The following AHCY variants were observed in gnomAD, a reference collection of about 807,000 sequenced individuals.
AHCY encodes the protein adenosylhomocysteinase.
AHCY carries 24 observed loss-of-function variants against 45.4 expected under a neutral mutation model. That is an observed-to-expected ratio of 0.53 (90% confidence interval 0.38 to 0.74). The LOEUF is 0.74. Ranked by LOEUF, AHCY falls within the 30% of genes least tolerant of loss-of-function variation. The pLI, the probability that AHCY is intolerant of heterozygous loss-of-function variation, is 0.00. For synonymous variants in AHCY, 245 were observed against 235.1 expected, an observed-to-expected ratio of 1.04 and a Z score of -0.39; for missense variants, 449 against 594.1, an observed-to-expected ratio of 0.76 and a Z score of 2.54.
chr20:34,306,231 A>G (rs2036895022), upstream of AHCY, among the ~76,000 whole-genome samples: 2 of 152,326 alleles, frequency 1.3e-5, no homozygotes, highest in South Asian at 4.1e-4. Flanking sequence ...GTTCATATGA[A>G]CAAAACTTTG....
upstream of AHCY, among the ~76,000 whole-genome samples, chr20:34,305,044 C>T (rs1000134319): frequency 6.8e-6 from 1 of 147,622 alleles, no homozygotes. Context: ...TGGCCGGGCG[C>T]GTGGCTCACG....
At chr20:34,269,304 T>C in the AHCY span, 2 of 1,122,866 alleles carry the variant, frequency 1.8e-6, no homozygotes, top group South Asian at 3.4e-5. Flanking sequence ...CAGGGAGACC[T>C]GGCTTGGGCT....
the AHCY span, among the ~76,000 whole-genome samples, chr20:34,244,339 G>A: frequency 6.6e-6 from 1 of 152,134 alleles, no homozygotes; most frequent in African/African-American, 2.4e-5. Context: ...TTGAGCATGG[G>A]TGTACAGTAT....
chr20:34,264,090 G>A, the AHCY span, among the ~76,000 whole-genome samples: 3 of 152,022 alleles, frequency 2.0e-5, no homozygotes, highest in African/African-American at 7.3e-5. Context: ...TAAAATATAT[G>A]TAGATACTAG....
At chr20:34,285,335 TA>T in intron 9 of AHCY, 104 bp downstream of exon 9, 1 of 1,312,832 alleles carries the variant, frequency 7.6e-7, no homozygotes, top group Non-Finnish European at 1.1e-6. Flanking sequence ...TGAGGGCCTC[TA>T]AGAGGGCAGA....
chr20:34,268,258 T>C, the AHCY span, among the ~76,000 whole-genome samples: 1 of 152,154 alleles, frequency 6.6e-6, no homozygotes, highest in African/African-American at 2.4e-5. Flanking sequence ...AGCAGCAAGC[T>C]GTGGCAGCAG....
rs547355270 is a variant in AHCY at position 34,286,911 on chromosome 20, G to A, written c.973-1277C>T. 1.7e-3 allele frequency among the ~76,000 whole-genome samples: 256 copies of A among 151,262 alleles called. 1 individual carries two copies. Among genetic ancestry groups the A allele is most frequent in the Non-Finnish European group, 2.7e-3 (184 of 67,894 alleles). On this transcript the variant is annotated intron_variant, in intron 8 of 9. Coordinates refer to ENST00000217426, the MANE Select transcript of AHCY (RefSeq NM_000687.4). ...TCCTATTCCTGTGGCCCACAGTGTG[G>A]CTCCCAGGTGACTGCCAAGGTTGAG...
chr20:34,310,550 G>A (rs1416254691), intron 1 of AHCY, among the ~76,000 whole-genome samples: 1 of 152,170 alleles, frequency 6.6e-6, no homozygotes, highest in East Asian at 1.9e-4. Flanking sequence ...CTTTGACCAA[G>A]CAGTTCCACT....
intron 2 of AHCY, 44 bp downstream of exon 2, chr20:34,295,351 C>T: frequency 6.2e-7 from 1 of 1,611,672 alleles, no homozygotes; most frequent in Non-Finnish European, 8.5e-7. Context: ...TGGCTGAACC[C>T]AGGGAGGGCA....
downstream of AHCY, among the ~76,000 whole-genome samples, chr20:34,279,494 C>T (rs1397822732): frequency 6.6e-5 from 10 of 151,904 alleles, no homozygotes; most frequent in Admixed American, 6.6e-4. Context: ...AGATCTCAGC[C>T]TGTTTTGACC....
At chr20:34,300,805 T>C (rs1256531115) in intron 1 of AHCY, among the ~76,000 whole-genome samples, 1 of 150,624 alleles carries the variant, frequency 6.6e-6, no homozygotes, top group African/African-American at 2.4e-5. Context: ...GAGCAAGAGA[T>C]CCAGGGAGAC....
At chr20:34,274,099 G>A in the AHCY span, among the ~76,000 whole-genome samples, 1 of 152,100 alleles carries the variant, frequency 6.6e-6, no homozygotes, top group Non-Finnish European at 1.5e-5. Context: ...TTTAGAATTC[G>A]TGGACTCTAT....
intron 4 of AHCY, 119 bp from the exon 5 acceptor site, chr20:34,291,650 C>T (rs1193859760): frequency 6.5e-6 from 6 of 922,718 alleles, no homozygotes; most frequent in Non-Finnish European, 1.0e-5. Context: ...TGACTGATCC[C>T]ACAGGCCCCC....
At chr20:34,245,858 C>A in the AHCY span, 1 of 818,336 alleles carries the variant, frequency 1.2e-6, no homozygotes, top group East Asian at 6.4e-5. Context: ...ATATATTCTA[C>A]AGTAAATATA....
At chr20:34,283,737 C>A (rs2036079173) in intron 9 of AHCY, among the ~76,000 whole-genome samples, 1 of 152,172 alleles carries the variant, frequency 6.6e-6, no homozygotes, top group Non-Finnish European at 1.5e-5. Context: ...GCCTTGAGGT[C>A]CTTATGAGTA....
intron 1 of AHCY, among the ~76,000 whole-genome samples, chr20:34,310,691 A>AT (rs962907485): frequency 6.6e-6 from 1 of 152,184 alleles, no homozygotes; most frequent in African/African-American, 2.4e-5. Flanking sequence ...GCAGATAGCC[A>AT]TTTTTTTGTT....
the AHCY span, among the ~76,000 whole-genome samples, chr20:34,268,742 A>G: frequency 6.7e-6 from 1 of 149,312 alleles, no homozygotes; most frequent in East Asian, 2.0e-4. Flanking sequence ...TAAAAAAAAA[A>G]CAAAAAACAA....
Position 34,301,895 on chromosome 20 carries a change from C to A in AHCY, c.28+1348G>T. Reference sequence around the variant, plus strand: ...CATGCTCTATATAACGGGATTACGTCCACCTCTATGAAGATTATTGTGTAA... The same window carrying A: ...CATGCTCTATATAACGGGATTACGTACACCTCTATGAAGATTATTGTGTAA... On this transcript the variant is annotated intron_variant, in intron 1 of 9. Coordinates refer to ENST00000217426, the MANE Select transcript of AHCY (RefSeq NM_000687.4). 4.1e-6 allele frequency: 4 copies of A among 985,472 alleles called. No individual in the cohort carries two copies. The South Asian group carries it at 1.4e-4, about 35-fold the overall frequency. The allele number at this position is 985,472 out of a possible 1,614,324, so 61.0% of individuals were successfully genotyped here. A position where few individuals can be genotyped will look rare whatever the true frequency, so the allele number is the denominator to read the frequency against.
chr20:34,268,309 C>A, the AHCY span, among the ~76,000 whole-genome samples: 1 of 152,162 alleles, frequency 6.6e-6, no homozygotes, highest in African/African-American at 2.4e-5. Context: ...AGCAGGAACT[C>A]ACCTGCTGCG....
Sources: allele counts gnomAD v4.1 joint callset (sites outside exome capture counted in the v4.1 genomes callset), GRCh38; gene constraint gnomAD v4.1.1; transcripts MANE v1.5; gene names NCBI Gene and HGNC (gene_info 2026-07-23, HGNC 2026-07-21).